Variants in SPAG1 observed in about 807,000 individuals in gnomAD.
SPAG1 encodes sperm-associated antigen 1.
Under a neutral mutation model 100.5 loss-of-function variants are expected in SPAG1, and 69 were observed. The observed-to-expected ratio is 0.69, with a 90% CI of 0.57 to 0.84. The LOEUF is 0.84. Ranked by LOEUF, SPAG1 falls within the 40% of genes least tolerant of loss-of-function variation. The pLI is 0.00. For synonymous variants in SPAG1, 336 were observed against 411.6 expected, an observed-to-expected ratio of 0.82 and a Z score of 2.22; for missense variants, 955 against 1,133.1, an observed-to-expected ratio of 0.84 and a Z score of 2.26.
chr8:100,215,625 C>G (rs989365736), intron 12 of SPAG1, among the ~76,000 whole-genome samples: 1 of 152,232 alleles, frequency 6.6e-6, no homozygotes, highest in African/African-American at 2.4e-5. Flanking sequence ...CCTGGGTTCA[C>G]CCCATTCTCC....
Position 100,240,918 on chromosome 8 carries a change from C to T in SPAG1, c.2677C>T (p.Gln893Ter). 6.2e-7 allele frequency: 1 copy of T among 1,610,374 alleles called. No homozygotes were observed. The highest frequency in any genetic ancestry group is 8.5e-7 in the Non-Finnish European group (1 of 1,178,942). ...GATGTTGACACTAATTAGCAAGGGCCAAAAGGAGCTAATTGAACAGCTGTT... is the reference window on the plus strand; with the variant it reads ...GATGTTGACACTAATTAGCAAGGGCTAAAAGGAGCTAATTGAACAGCTGTT... ...KMMLTLISKGQKELIEQLFED... is the reference protein window; with the variant it reads ...KMMLTLISKG Residue 893 changes from glutamine (Q) to a stop codon, truncating the protein, a stop_gained, in exon 19 of 19, where the codon CAA becomes TAA. Coordinates refer to ENST00000388798, the MANE Select transcript of SPAG1 (RefSeq NM_003114.5). LOFTEE classifies it high-confidence loss of function.
intron 14 of SPAG1, 109 bp from the exon 15 acceptor site, chr8:100,231,047 C>T: frequency 1.2e-6 from 1 of 864,732 alleles, no homozygotes; most frequent in South Asian, 3.0e-5. Flanking sequence ...ACCCTGCATG[C>T]TGTGTGGTCA....
rs1819223020 is a variant in SPAG1 at position 100,240,669 on chromosome 8, A to G, written c.2547A>G (p.Thr849=). Residue 849 remains threonine (T), a synonymous_variant, in exon 18 of 19, where the codon ACA becomes ACG. Transcript: ENST00000388798. ...TAAGTAACAAACTTGAAGGGGATAC[A>G]TTCCTTCTCCTCATTCAGTCTCTGA... ...MFLSNKLEGD[T]FLLLIQSLKN... 1.2e-6 allele frequency: 2 copies of G among 1,614,020 alleles called. No homozygotes were observed. The highest frequency in any genetic ancestry group is 1.1e-5 in the South Asian group (1 of 91,080).
At chr8:100,172,108 T>C (rs990205479) in intron 3 of SPAG1, among the ~76,000 whole-genome samples, 1 of 152,110 alleles carries the variant, frequency 6.6e-6, no homozygotes, top group East Asian at 1.9e-4. Context: ...TTTGTAAGAG[T>C]TCTGTACTGT....
chr8:100,195,509 G>C (rs1272248962), intron 10 of SPAG1, among the ~76,000 whole-genome samples: 1 of 152,092 alleles, frequency 6.6e-6, no homozygotes, highest in East Asian at 1.9e-4. Flanking sequence ...CAATCAGAGA[G>C]GTGAGAAGGA....
chr8:100,183,253 G>T, intron 4 of SPAG1, 122 bp from the exon 5 acceptor site: 1 of 515,782 alleles, frequency 1.9e-6, no homozygotes, highest in Non-Finnish European at 3.5e-6. Context: ...GATTACAGGC[G>T]TGAGTCCCCG....
chr8:100,184,625 T>C lies in SPAG1; in HGVS notation c.596-3T>C, dbSNP rs1444736710. On this transcript the variant is annotated splice_region_variant and splice_polypyrimidine_tract_variant and intron_variant, in intron 6 of 18. Coordinates refer to ENST00000388798, the MANE Select transcript of SPAG1 (RefSeq NM_003114.5). ...ACATATAGCAGATAACATTTATTTC[T>C]AGGTCTAACTGAGAAAGAAAAGGAT... 6.6e-6 allele frequency: 10 copies of C among 1,525,240 alleles called. No homozygotes were observed. The highest frequency in any genetic ancestry group is 1.4e-5 in the African/African-American group (1 of 69,802). The allele number at this position is 1,525,240 out of a possible 1,614,324, so 94.5% of individuals were successfully genotyped here. A position where few individuals can be genotyped will look rare whatever the true frequency, so the allele number is the denominator to read the frequency against.
In SPAG1 at chr8:100,240,355, G is replaced by A; in HGVS notation, c.2281-48G>A. 5 of 1,527,466 alleles carry A rather than the reference G, an allele frequency of 3.3e-6. No individual in the cohort carries two copies. In the South Asian group the frequency reaches 5.2e-5, roughly 16 times the overall value. The allele number at this position is 1,527,466 out of a possible 1,614,324, so 94.6% of individuals were successfully genotyped here. Reference sequence around the variant, plus strand: ...TGACAGACGTACTTAGGATGTATGTGGTGATTGTGGTTCAGTGTCACAATG... The same window carrying A: ...TGACAGACGTACTTAGGATGTATGTAGTGATTGTGGTTCAGTGTCACAATG... On this transcript the variant is annotated intron_variant, in intron 17 of 18. Transcript: ENST00000388798.
Position 100,160,626 on chromosome 8 carries a change from C to CAA in SPAG1, c.-2-1637_-2-1636dup, listed in dbSNP as rs11422854. Reference sequence around the variant, plus strand: ...TGGGTGACAGAGCAAGACTCCAACTCAAAAAAAAAAAAAAAAAGGAGAGGT... The same window carrying CAA: ...TGGGTGACAGAGCAAGACTCCAACTCAAAAAAAAAAAAAAAAAAAGGAGAGGT... On this transcript the variant is annotated intron_variant, in intron 1 of 18. Coordinates refer to ENST00000388798, the MANE Select transcript of SPAG1 (RefSeq NM_003114.5). Among the ~76,000 whole-genome samples, 173 of 98,838 alleles carry CAA rather than the reference C, an allele frequency of 1.8e-3. 1 individual carries two copies. The Middle Eastern group carries it at 0.018, about 10-fold the overall frequency. The allele number at this position is 98,838 out of a possible 152,430, so 64.8% of individuals were successfully genotyped here.
chr8:100,223,920 AT>A (rs1357886156), intron 13 of SPAG1, among the ~76,000 whole-genome samples: 2 of 152,122 alleles, frequency 1.3e-5, no homozygotes, highest in Non-Finnish European at 2.9e-5. Flanking sequence ...CTGTAGGGAA[AT>A]TATGTGCATT....
At chr8:100,194,864 A>G (rs1382028349) in intron 10 of SPAG1, among the ~76,000 whole-genome samples, 1 of 152,198 alleles carries the variant, frequency 6.6e-6, no homozygotes, top group Non-Finnish European at 1.5e-5. Flanking sequence ...GACAAGGGAC[A>G]TAAAAACTTT....
At chr8:100,203,919 TTAAAATAAG>T (rs2132320692) in intron 10 of SPAG1, among the ~76,000 whole-genome samples, 2 of 152,228 alleles carry the variant, frequency 1.3e-5, no homozygotes, top group African/African-American at 4.8e-5. Flanking sequence ...GTGTCTACCG[TTAAAATAAG>T]GGCATTGATT....
At chr8:100,177,176 T>C (rs930186808) in intron 3 of SPAG1, among the ~76,000 whole-genome samples, 21 of 152,184 alleles carry the variant, frequency 1.4e-4, no homozygotes, top group African/African-American at 5.1e-4. Context: ...AGGTTTACAG[T>C]ATTACACTAA....
chr8:100,175,396 T>A (rs1816066914), intron 3 of SPAG1, among the ~76,000 whole-genome samples: 1 of 151,128 alleles, frequency 6.6e-6, no homozygotes, highest in African/African-American at 2.4e-5. Flanking sequence ...ACCATTCTCC[T>A]GCCTCAGCCT....
At chr8:100,172,701 T>G (rs567738265) in intron 3 of SPAG1, among the ~76,000 whole-genome samples, 242 of 152,144 alleles carry the variant, frequency 1.6e-3, no homozygotes, top group Non-Finnish European at 2.6e-3. Flanking sequence ...TATATATGTG[T>G]GTATACACAT....
At chr8:100,172,428 G>A (rs1463298986) in intron 3 of SPAG1, among the ~76,000 whole-genome samples, 4 of 152,082 alleles carry the variant, frequency 2.6e-5, no homozygotes, top group Non-Finnish European at 4.4e-5. Context: ...AGACCACCCT[G>A]GCCAACATGG....
At chr8:100,167,437 T>G (rs1815611839) in intron 3 of SPAG1, among the ~76,000 whole-genome samples, 1 of 152,164 alleles carries the variant, frequency 6.6e-6, no homozygotes, top group East Asian at 1.9e-4. Flanking sequence ...ACAGAACAAT[T>G]ATAACAGCAT....
intron 14 of SPAG1, among the ~76,000 whole-genome samples, chr8:100,228,597 C>T (rs1225052174): frequency 6.6e-6 from 1 of 151,872 alleles, no homozygotes; most frequent in Non-Finnish European, 1.5e-5. Flanking sequence ...CCTGTAGTCC[C>T]AGCTGCTTGG....
intron 4 of SPAG1, 39 bp downstream of exon 4, chr8:100,177,980 A>G (rs1400933023): frequency 1.3e-6 from 2 of 1,579,002 alleles, no homozygotes; most frequent in Non-Finnish European, 1.7e-6. Context: ...GTAGCAGGAG[A>G]GGATTGCTGC....
Sources: gnomAD v4.1 joint callset for allele counts (sites outside exome capture counted in the v4.1 genomes callset) on GRCh38, gnomAD v4.1.1 for gene constraint, MANE v1.5 for transcripts, NCBI Gene and HGNC (gene_info 2026-07-23, HGNC 2026-07-21) for gene names.